LIMS1: variants seen among roughly 807,000 people sequenced by gnomAD.
LIMS1 encodes LIM zinc finger domain containing 1, also known as LIM and senescent cell antigen-like-containing domain protein 1.
In LIMS1, 18 loss-of-function variants were observed where a neutral mutation model predicts 44.1. That is an observed-to-expected ratio of 0.41 (90% CI 0.28 to 0.61). The LOEUF (loss-of-function observed/expected upper bound fraction) is 0.61, where lower values mean the gene tolerates loss of function less well. Among genes scored for constraint, LIMS1 ranks in the 20% least tolerant of loss-of-function variants. The pLI is 0.32. For synonymous variants in LIMS1, 93 were observed against 149.1 expected (o/e 0.62, Z 2.74); for missense variants, 201 against 422.0 (o/e 0.48, Z 4.59).
chr2:108,587,671 C>T lies in LIMS1; in HGVS notation c.32+53077C>T, dbSNP rs190527034. On this transcript the variant is annotated intron_variant, in intron 1 of 9. Transcript: ENST00000544547. The stretch of plus-strand genomic sequence containing the variant: ...CACCCTCATTCATGGAAGGGGAAGG[C>T]TGAATTAATTGCTCTCAAGTTCTTT... Among the ~76,000 whole-genome samples, 15 of 152,268 alleles carry T rather than the reference C, an allele frequency of 9.9e-5. No homozygotes were observed. The East Asian group carries it at 2.9e-3, about 29-fold the overall frequency.
At chr2:108,642,517 G>A (rs1273190106) in intron 1 of LIMS1, among the ~76,000 whole-genome samples, 1 of 151,554 alleles carries the variant, frequency 6.6e-6, no homozygotes, top group East Asian at 1.9e-4. Context: ...CCGCTACCAC[G>A]CCCGGCTAAT....
At chr2:108,682,162 T>C (rs826588) in intron 9 of LIMS1, among the ~76,000 whole-genome samples, 51,531 of 152,022 alleles carry the variant, frequency 0.34, 9,392 homozygotes, top group Middle Eastern at 0.52. Flanking sequence ...TCTAAAAATA[T>C]TTTGTTCCAG....
chr2:108,566,947 A>G (rs2104622826), intron 1 of LIMS1, among the ~76,000 whole-genome samples: 1 of 152,228 alleles, frequency 6.6e-6, no homozygotes, highest in Non-Finnish European at 1.5e-5. Flanking sequence ...GTATGTTTAT[A>G]TTGTTGTGAA....
chr2:108,674,914 A>G (rs970962151), intron 5 of LIMS1, among the ~76,000 whole-genome samples: 54 of 151,282 alleles, frequency 3.6e-4, no homozygotes, highest in South Asian at 1.9e-3. Context: ...ATGAAATTCA[A>G]ACAAGTCCGT....
chr2:108,605,985 G>A (rs74507321), intron 1 of LIMS1, among the ~76,000 whole-genome samples: 3,818 of 152,300 alleles, frequency 0.025, 100 homozygotes, highest in African/African-American at 0.064. Context: ...CCAGGCCTGG[G>A]GGCCAGGCAG....
chr2:108,652,968 A>T (rs1690604685), intron 1 of LIMS1, among the ~76,000 whole-genome samples: 1 of 152,172 alleles, frequency 6.6e-6, no homozygotes, highest in African/African-American at 2.4e-5. Context: ...GAAAGGAAAA[A>T]TTTTAAACCA....
intron 1 of LIMS1, among the ~76,000 whole-genome samples, chr2:108,641,279 TATC>T (rs559016183): frequency 1.2e-3 from 180 of 152,356 alleles, no homozygotes; most frequent in African/African-American, 4.3e-3. Flanking sequence ...ACAGTTAAGA[TATC>T]ATAAAGTTTG....
intron 1 of LIMS1, among the ~76,000 whole-genome samples, chr2:108,643,369 G>A (rs898262574): frequency 7.2e-5 from 11 of 152,298 alleles, no homozygotes; most frequent in Admixed American, 4.6e-4. Flanking sequence ...AGGGTGGGGC[G>A]TTGCCTCACC....
chr2:108,667,549 A>ATATATATATATATATAT (rs1321611682), intron 2 of LIMS1, among the ~76,000 whole-genome samples: 2 of 73,432 alleles, frequency 2.7e-5, no homozygotes, highest in African/African-American at 8.9e-5. Context: ...AAAAAAAAAA[A>ATATATATATATATATAT]AAATATATAT....
intron 1 of LIMS1, among the ~76,000 whole-genome samples, chr2:108,656,318 T>TATAGATAGATAGATAG (rs61527656): frequency 3.6e-5 from 3 of 84,254 alleles, no homozygotes; most frequent in African/African-American, 3.5e-5. Context: ...TCTATCTATC[T>TATAGATAGATAGATAG]ATAGATAGAT....
chr2:108,678,936 C>G (rs1413637846), intron 8 of LIMS1, among the ~76,000 whole-genome samples: 1 of 152,256 alleles, frequency 6.6e-6, no homozygotes, highest in Non-Finnish European at 1.5e-5. Flanking sequence ...CAAGGGGGCA[C>G]AGTTGCTGGT....
intron 2 of LIMS1, among the ~76,000 whole-genome samples, chr2:108,668,162 G>T (rs186086742): frequency 6.6e-6 from 1 of 152,070 alleles, no homozygotes; most frequent in Non-Finnish European, 1.5e-5. Context: ...GGTATTTAAC[G>T]TATCCATCAC....
intron 1 of LIMS1, among the ~76,000 whole-genome samples, chr2:108,549,253 A>G (rs1025363492): frequency 6.9e-6 from 1 of 144,184 alleles, no homozygotes; most frequent in East Asian, 2.1e-4. Context: ...GGATTATTTC[A>G]ATAATAATGT....
chr2:108,616,840 G>T (rs1389351231), intron 1 of LIMS1, among the ~76,000 whole-genome samples: 1 of 152,132 alleles, frequency 6.6e-6, no homozygotes, highest in Non-Finnish European at 1.5e-5. Context: ...GCCTCACTTA[G>T]GAAGACAGCT....
At chr2:108,597,767 A>G (rs1381002377) in intron 1 of LIMS1, among the ~76,000 whole-genome samples, 2 of 141,870 alleles carry the variant, frequency 1.4e-5, no homozygotes, top group Non-Finnish European at 3.0e-5. Context: ...GTCTCAGCTC[A>G]CTGCAACCTC....
At chr2:108,590,256 G>A (rs1357310372) in intron 1 of LIMS1, among the ~76,000 whole-genome samples, 7 of 152,170 alleles carry the variant, frequency 4.6e-5, no homozygotes, top group Non-Finnish European at 1.0e-4. Context: ...GTACACGTGT[G>A]TATATATGTA....
intron 2 of LIMS1, among the ~76,000 whole-genome samples, chr2:108,667,551 A>AAAATATATAT (rs765279788): frequency 5.1e-4 from 67 of 130,468 alleles, no homozygotes; most frequent in African/African-American, 6.3e-4. Context: ...AAAAAAAAAA[A>AAAATATATAT]ATATATATAT....
At chr2:108,610,186 GTGTGTGTGTA>G (rs1255808215) in intron 1 of LIMS1, among the ~76,000 whole-genome samples, 1 of 101,350 alleles carries the variant, frequency 9.9e-6, no homozygotes, top group South Asian at 3.6e-4. Context: ...GTGTGTGTGT[GTGTGTGTGTA>G]TTATTATAAA....
chr2:108,597,241 A>G (rs1280494261), intron 1 of LIMS1, among the ~76,000 whole-genome samples: 2 of 151,664 alleles, frequency 1.3e-5, no homozygotes, highest in African/African-American at 4.8e-5. Context: ...TTTTTTATTC[A>G]CAGACCACTT....
Sources: allele counts gnomAD v4.1 joint callset (sites outside exome capture counted in the v4.1 genomes callset), GRCh38; gene constraint gnomAD v4.1.1; transcripts MANE v1.5; gene names NCBI Gene and HGNC (gene_info 2026-07-23, HGNC 2026-07-21).